The following CLIC4 variants were observed in gnomAD, a reference collection of about 807,000 sequenced individuals.
CLIC4 encodes the protein chloride intracellular channel protein 4.
A neutral mutation model predicts 24.6 loss-of-function variants in CLIC4; 13 were observed. The ratio of observed to expected loss-of-function variants is 0.53; its 90% CI spans 0.34 to 0.84. The LOEUF (loss-of-function observed/expected upper bound fraction) is 0.84. Ranked by LOEUF, CLIC4 falls within the 40% of genes least tolerant of loss-of-function variation. CLIC4 has a pLI of 0.01. For synonymous variants in CLIC4, 104 were observed against 111.3 expected (o/e 0.93, Z 0.41); for missense variants, 227 against 301.7 (o/e 0.75, Z 1.83).
rs185397006 is a variant in CLIC4, at chr1:24,745,723, G to A, written c.72+98G>A. 46 of 970,000 alleles carry A rather than the reference G, an allele frequency of 4.7e-5. No homozygotes were observed. The African/African-American group carries it at 7.5e-4, about 16-fold the overall frequency. The allele number at this position is 970,000 out of a possible 1,614,324, so 60.1% of individuals were successfully genotyped here. Reference sequence around the variant, plus strand: ...GGGCTCTCCTGAGGCGCCCCCGCTCGGCGCCAGCACCCGTCCCGCTGCGGG... The same window carrying A: ...GGGCTCTCCTGAGGCGCCCCCGCTCAGCGCCAGCACCCGTCCCGCTGCGGG... On this transcript the variant is annotated intron_variant, in intron 1 of 5. Transcript: ENST00000374379.
rs528814844 is a variant in CLIC4 at position 24,755,550 on chromosome 1, A to C, written c.72+9925A>C. Among the ~76,000 whole-genome samples, 13 of 152,064 alleles carry C rather than the reference A, an allele frequency of 8.5e-5. No individual in the cohort carries two copies. In the South Asian group the frequency reaches 2.5e-3, roughly 29 times the overall value. ...CTTGAGCCTAGAAGTTCAAGGCTGC[A>C]ATGAGCTATGATTGTGCCACTGCAC... On this transcript the variant is annotated intron_variant, in intron 1 of 5. Transcript: ENST00000374379.
intron 1 of CLIC4, among the ~76,000 whole-genome samples, chr1:24,773,415 C>A (rs1052958269): frequency 6.6e-6 from 1 of 151,956 alleles, no homozygotes; most frequent in African/African-American, 2.4e-5. Flanking sequence ...AATGTGTATA[C>A]CCTTAAGGAA....
chr1:24,804,356 T>G (rs567998094), intron 2 of CLIC4, among the ~76,000 whole-genome samples: 153 of 121,920 alleles, frequency 1.3e-3, no homozygotes, highest in South Asian at 3.3e-3. Flanking sequence ...ACTGTGTGTG[T>G]GGGGGGTGTG....
At chr1:24,806,701 A>G (rs998125969) in intron 2 of CLIC4, among the ~76,000 whole-genome samples, 1 of 152,200 alleles carries the variant, frequency 6.6e-6, no homozygotes, top group Non-Finnish European at 1.5e-5. Flanking sequence ...CATCAGCTCT[A>G]TTAAAGTTAA....
intron 1 of CLIC4, among the ~76,000 whole-genome samples, chr1:24,779,303 C>T (rs538536249): frequency 6.6e-6 from 1 of 152,068 alleles, no homozygotes; most frequent in Admixed American, 6.5e-5. Context: ...AACTCTGATT[C>T]TACAAAAAAT....
chr1:24,838,947 T>C (rs1015255892), intron 4 of CLIC4, among the ~76,000 whole-genome samples: 2 of 152,202 alleles, frequency 1.3e-5, no homozygotes, highest in African/African-American at 2.4e-5. Flanking sequence ...CATCTTAATC[T>C]ATTTGGTTAA....
At chr1:24,807,119 G>C (rs1236505540) in intron 2 of CLIC4, among the ~76,000 whole-genome samples, 1 of 151,488 alleles carries the variant, frequency 6.6e-6, no homozygotes, top group Non-Finnish European at 1.5e-5. Context: ...AAGAGAGAGA[G>C]ACCCCCATCT....
chr1:24,755,505 A>T (rs1331743436), intron 1 of CLIC4, among the ~76,000 whole-genome samples: 1 of 151,674 alleles, frequency 6.6e-6, no homozygotes, highest in African/African-American at 2.4e-5. Context: ...TAGCTTTGGC[A>T]GGCTGAGGCC....
chr1:24,817,143 G>C (rs971605527), intron 3 of CLIC4, among the ~76,000 whole-genome samples: 1 of 152,194 alleles, frequency 6.6e-6, no homozygotes, highest in African/African-American at 2.4e-5. Flanking sequence ...TCTGTTTAGT[G>C]TAGCCACCTT....
intron 1 of CLIC4, among the ~76,000 whole-genome samples, chr1:24,792,051 T>A (rs1639345636): frequency 7.7e-6 from 1 of 129,864 alleles, no homozygotes; most frequent in African/African-American, 2.9e-5. Flanking sequence ...TCCACCTAAT[T>A]AAAAAAAAAA....
At chr1:24,822,517 T>G (rs1409307639) in intron 3 of CLIC4, among the ~76,000 whole-genome samples, 3 of 151,752 alleles carry the variant, frequency 2.0e-5, no homozygotes, top group Non-Finnish European at 4.4e-5. Flanking sequence ...CCTGGCTAAT[T>G]TTTGTATTTT....
At chr1:24,792,322 CTG>C (rs1639350249) in intron 1 of CLIC4, among the ~76,000 whole-genome samples, 1 of 151,942 alleles carries the variant, frequency 6.6e-6, no homozygotes, top group South Asian at 2.1e-4. Context: ...TCCTGAATAA[CTG>C]GGACTATAGG....
chr1:24,810,904 C>A (rs962960557), intron 2 of CLIC4, among the ~76,000 whole-genome samples: 8 of 151,654 alleles, frequency 5.3e-5, no homozygotes, highest in African/African-American at 1.9e-4. Context: ...ATGGTGAAAC[C>A]CTGTCTCTAC....
intron 1 of CLIC4, among the ~76,000 whole-genome samples, chr1:24,757,829 G>C (rs1638870970): frequency 6.6e-6 from 1 of 151,664 alleles, no homozygotes; most frequent in African/African-American, 2.4e-5. Flanking sequence ...GTGCGCTGGT[G>C]CAATCACGGC....
At position 24,812,942 on chromosome 1, in the gene CLIC4, C is replaced by A. The variant is rs1010332306; in HGVS notation, c.183-1152C>A. 2.0e-5 allele frequency among the ~76,000 whole-genome samples: 3 copies of A among 151,946 alleles called. No homozygotes were observed. In the South Asian group the frequency reaches 6.2e-4, roughly 32 times the overall value. On this transcript the variant is annotated intron_variant, in intron 2 of 5. Coordinates refer to ENST00000374379, the MANE Select transcript of CLIC4 (RefSeq NM_013943.3). ...CCATGTTGGCCAGGAGGGTCTCAAT[C>A]TCTTGACCTCATGATCTGCCCACCT...
intron 1 of CLIC4, among the ~76,000 whole-genome samples, chr1:24,746,859 G>A (rs976136764): frequency 6.6e-6 from 1 of 152,110 alleles, no homozygotes; most frequent in Non-Finnish European, 1.5e-5. Flanking sequence ...AGCTGGGAGC[G>A]ATGTTACGCG....
intron 1 of CLIC4, among the ~76,000 whole-genome samples, chr1:24,797,169 G>T (rs1415868309): frequency 1.3e-5 from 2 of 151,284 alleles, no homozygotes; most frequent in Admixed American, 6.6e-5. Context: ...GGCCAGGCTG[G>T]TCTCAAACTC....
At position 24,839,884 on chromosome 1, in the gene CLIC4, C is replaced by A. The variant is rs1490627971; in HGVS notation, c.440C>A (p.Thr147Asn). Reference sequence around the variant, plus strand: ...GCACTGGAGAGGGGTCTCCTGAAAACCCTGCAGAAACTGGATGAATATCTG... The same window carrying A: ...GCACTGGAGAGGGGTCTCCTGAAAAACCTGCAGAAACTGGATGAATATCTG... ...NEALERGLLK[T>N]LQKLDEYLNS... Residue 147 changes from threonine to asparagine, a missense_variant, in exon 5 of 6, where the codon ACC (threonine) becomes AAC (asparagine). Coordinates refer to ENST00000374379, the MANE Select transcript of CLIC4 (RefSeq NM_013943.3). The A allele has an allele frequency of 2.5e-6, 4 of 1,612,036 alleles. No individual in the cohort carries two copies. The highest frequency in any genetic ancestry group is 2.5e-6 in the Non-Finnish European group (3 of 1,179,808).
chr1:24,829,737 C>T (rs1639821351), intron 4 of CLIC4, among the ~76,000 whole-genome samples: 1 of 152,184 alleles, frequency 6.6e-6, no homozygotes, highest in African/African-American at 2.4e-5. Context: ...GGCAAGGAAT[C>T]TAGAGGTTCT....
Sources: gnomAD v4.1 joint callset for allele counts (sites outside exome capture counted in the v4.1 genomes callset) on GRCh38, gnomAD v4.1.1 for gene constraint, MANE v1.5 for transcripts, NCBI Gene and HGNC (gene_info 2026-07-23, HGNC 2026-07-21) for gene names.